The following ANKRD36 variants were observed in gnomAD, a reference collection of about 807,000 sequenced individuals.
ANKRD36 encodes the protein ankyrin repeat domain 36, also known as ankyrin repeat domain-containing protein 36A.
In ANKRD36, 179 loss-of-function variants were observed where a neutral mutation model predicts 278.1. The observed-to-expected ratio is 0.64, with a 90% CI of 0.57 to 0.73. The LOEUF (loss-of-function observed/expected upper bound fraction) is 0.73. ANKRD36 is among the 30% of genes least tolerant of loss of function. The pLI is 0.00. For missense variants in ANKRD36, 1,159 were observed against 1,956.7 expected (o/e 0.59, Z 7.69); for synonymous variants, 320 against 641.1 (o/e 0.50, Z 7.57).
chr2:97,138,593 T>G (rs2042110083), intron 6 of ANKRD36, among the ~76,000 whole-genome samples: 1 of 151,914 alleles, frequency 6.6e-6, no homozygotes, highest in Non-Finnish European at 1.5e-5. Context: ...ACTTTAAATT[T>G]CATATGGAAC....
chr2:97,199,116 T>C (rs1422432426), intron 44 of ANKRD36, among the ~76,000 whole-genome samples: 2 of 151,888 alleles, frequency 1.3e-5, no homozygotes, highest in African/African-American at 2.4e-5. Flanking sequence ...GGAAGATGGA[T>C]TGTGAGACAG....
chr2:97,181,114 G>A (rs931774176), intron 24 of ANKRD36, among the ~76,000 whole-genome samples: 17 of 151,730 alleles, frequency 1.1e-4, no homozygotes, highest in Non-Finnish European at 2.1e-4. Context: ...CTGAAGAGAT[G>A]TGAAGAGAAC....
chr2:97,215,865 CAG>C (rs2065796970), intron 62 of ANKRD36: 5 of 560,234 alleles, frequency 8.9e-6, no homozygotes, highest in Admixed American at 6.5e-5. Flanking sequence ...TTGTTATAAA[CAG>C]AGGGAAAAGT....
At chr2:97,182,239 G>T (rs993397955) in intron 26 of ANKRD36, among the ~76,000 whole-genome samples, 1 of 144,378 alleles carries the variant, frequency 6.9e-6, no homozygotes, top group African/African-American at 2.5e-5. Flanking sequence ...CCTCAAGGAA[G>T]AGGATTGTCA....
intron 66 of ANKRD36, among the ~76,000 whole-genome samples, chr2:97,220,942 C>A (rs1232865297): frequency 9.9e-6 from 1 of 100,958 alleles, no homozygotes; most frequent in East Asian, 4.5e-4. Context: ...CCGACCCCAC[C>A]ACAGTCCCCA....
chr2:97,128,039 G>T (rs1254518237), intron 6 of ANKRD36, among the ~76,000 whole-genome samples: 2 of 151,894 alleles, frequency 1.3e-5, no homozygotes, highest in African/African-American at 4.8e-5. Flanking sequence ...GAGAAATCTT[G>T]GATCATTCAT....
intron 50 of ANKRD36, among the ~76,000 whole-genome samples, chr2:97,205,361 T>G (rs938143886): frequency 2.0e-5 from 3 of 151,536 alleles, no homozygotes; most frequent in Non-Finnish European, 3.0e-5. Flanking sequence ...CACATGGGTG[T>G]GAGAGATAAT....
chr2:97,202,379 A>T lies in ANKRD36; in HGVS notation c.2945A>T (p.Glu982Val). The T allele has an allele frequency of 6.4e-7, 1 of 1,553,254 alleles. No individual in the cohort carries two copies. Among genetic ancestry groups the T allele is most frequent in the South Asian group, 1.2e-5 (1 of 84,406 alleles). The change falls in exon 48 of 76, where the codon GAA (glutamate) becomes GTA (valine). Residue 982 changes from glutamate to valine, a missense_variant. By Grantham distance (121) the Glu-to-Val change is moderately radical (BLOSUM62 -2). Coordinates refer to ENST00000420699, the MANE Select transcript of ANKRD36 (RefSeq NM_001354587.1). ...ATAGCCAGAGAAAACAAGGATGGAGAAAAATCTAGGACAGGTAATTTTGAA... is the reference window on the plus strand; with the variant it reads ...ATAGCCAGAGAAAACAAGGATGGAGTAAAATCTAGGACAGGTAATTTTGAA... Reference protein sequence around the residue: ...LGIARENKDGEKSRTVSSEKP... With the variant: ...LGIARENKDGVKSRTVSSEKP...
chr2:97,115,557 A>G (rs1439161121), intron 1 of ANKRD36, among the ~76,000 whole-genome samples: 1 of 152,148 alleles, frequency 6.6e-6, no homozygotes, highest in Non-Finnish European at 1.5e-5. Flanking sequence ...TTTATTTTTC[A>G]GATGTTCAAG....
intron 46 of ANKRD36, among the ~76,000 whole-genome samples, chr2:97,201,779 G>A (rs193235985): frequency 6.6e-6 from 1 of 152,038 alleles, no homozygotes; most frequent in East Asian, 1.9e-4. Flanking sequence ...TAAAGAGCAT[G>A]ATGAATGTTT....
At chr2:97,205,304 G>A (rs11894826) in intron 50 of ANKRD36, among the ~76,000 whole-genome samples, 9,629 of 151,392 alleles carry the variant, frequency 0.064, 970 homozygotes, top group African/African-American at 0.22. Context: ...AGAAACATTT[G>A]GAAGGCTATA....
In ANKRD36 at chr2:97,154,719, A is replaced by G. The variant is rs1036918011; in HGVS notation, c.1238A>G (p.Asp413Gly). The G allele has an allele frequency of 1.3e-6, 2 of 1,488,618 alleles. No homozygotes were observed. The highest frequency in any genetic ancestry group is 1.8e-6 in the Non-Finnish European group (2 of 1,107,182). 92.2% of individuals were successfully genotyped at this position (1,488,618 alleles called of 1,614,324 possible). Reference protein sequence around the residue: ...LDRFAQPVTKDKFALESENIS... With the variant: ...LDRFAQPVTKGKFALESENIS... ...CGTTTTGCACAGCCTGTGACAAAGG[A>G]TAAGTTTGCTTTGGAATCTGAGGTA... Residue 413 changes from aspartate (D) to glycine (G), a missense_variant, in exon 15 of 76, where the codon GAT becomes GGT. Coordinates refer to ENST00000420699, the MANE Select transcript of ANKRD36 (RefSeq NM_001354587.1).
chr2:97,215,838 A>G (rs1401402589), intron 62 of ANKRD36: 2 of 602,370 alleles, frequency 3.3e-6, no homozygotes, highest in Admixed American at 3.0e-5. Context: ...AATAGATATT[A>G]TAGGCGTCAG....
At chr2:97,190,646 C>T (rs936915662) in intron 34 of ANKRD36, among the ~76,000 whole-genome samples, 4 of 151,496 alleles carry the variant, frequency 2.6e-5, no homozygotes, top group Non-Finnish European at 5.9e-5. Context: ...GACATTGATT[C>T]TCACGTGTAT....
intron 75 of ANKRD36, among the ~76,000 whole-genome samples, chr2:97,256,448 T>C (rs2076233108): frequency 6.6e-6 from 1 of 150,476 alleles, no homozygotes; most frequent in South Asian, 2.1e-4. Context: ...GTAAGTTGTA[T>C]GTTTGTGGAA....
intron 75 of ANKRD36, among the ~76,000 whole-genome samples, chr2:97,256,198 A>T (rs2076182874): frequency 6.9e-6 from 1 of 145,276 alleles, no homozygotes; most frequent in Non-Finnish European, 1.5e-5. Flanking sequence ...TCTACTAAAA[A>T]TACAAAAAAT....
At chr2:97,149,606 C>G (rs2045366383) in intron 12 of ANKRD36, among the ~76,000 whole-genome samples, 1 of 151,954 alleles carries the variant, frequency 6.6e-6, no homozygotes, top group Non-Finnish European at 1.5e-5. Context: ...GGAAAATACA[C>G]AGTGACAGAA....
chr2:97,131,298 T>C (rs2040079243), intron 6 of ANKRD36, among the ~76,000 whole-genome samples: 1 of 151,962 alleles, frequency 6.6e-6, no homozygotes, highest in Non-Finnish European at 1.5e-5. Flanking sequence ...CAGGTGGTCC[T>C]CCTACCTCAG....
intron 48 of ANKRD36, 67 bp from the exon 49 acceptor site, chr2:97,204,001 G>A: frequency 6.5e-7 from 1 of 1,535,672 alleles, no homozygotes; most frequent in Admixed American, 2.0e-5. Context: ...TGCTAACACT[G>A]CATGAATGTA....
Sources: allele counts gnomAD v4.1 joint callset (sites outside exome capture counted in the v4.1 genomes callset), GRCh38; gene constraint gnomAD v4.1.1; transcripts MANE v1.5; gene names NCBI Gene and HGNC (gene_info 2026-07-23, HGNC 2026-07-21).